Variants in SETD1B observed in about 807,000 individuals in gnomAD.
The protein encoded by SETD1B is histone-lysine N-methyltransferase SETD1B.
In SETD1B, 7 loss-of-function variants were observed where a neutral mutation model predicts 148.0. That is an observed-to-expected ratio of 0.05 (90% CI 0.03 to 0.09). SETD1B has a LOEUF of 0.09. Ranked by LOEUF, SETD1B falls within the 10% of genes least tolerant of loss-of-function variation. The pLI, the probability that SETD1B is intolerant of heterozygous loss-of-function variation, is 1.00. For missense variants in SETD1B, 2,155 were observed against 2,729.9 expected (o/e 0.79, Z 4.69); for synonymous variants, 1,361 against 1,186.5 (o/e 1.15, Z -3.02).
intron 11 of SETD1B, 121 bp downstream of exon 11, chr12:121,820,016 A>C: frequency 2.4e-6 from 2 of 838,932 alleles, no homozygotes; most frequent in Non-Finnish European, 3.7e-6. Context: ...TTCCCGTGTA[A>C]AACGAGATCA....
Position 121,810,287 on chromosome 12 carries a change from C to T in SETD1B, c.1342C>T (p.Pro448Ser), listed in dbSNP as rs1477497078. 8.4e-6 allele frequency: 13 copies of T among 1,543,616 alleles called. No homozygotes were observed. Among genetic ancestry groups the T allele is most frequent in the African/African-American group, 1.4e-5 (1 of 73,120 alleles). The change falls in exon 6 of 17, where the codon CCA (proline) becomes TCA (serine). Residue 448 changes from proline to serine, a missense_variant. Around this residue, in one of 11 missense-constraint regions of SETD1B, gnomAD observed 376 missense variants for 385.0 expected, o/e 0.98. Transcript: ENST00000604567. This position sits in a 1 kb window ranked among gnomAD's most constrained non-coding sequence, Gnocchi z 7.6. ...TGCTGAGCCTCTGGCCAAGGAGAAG[C>T]CAGGCACGCCACCCGGCCCGCCGCC... ...PPAEPLAKEK[P>S]GTPPGPPPPD...
chr12:121,832,633 A>G lies in SETD1B; in HGVS notation c.*2394A>G. ...TAGTAACTTTTATAAAGCAAACCAT[A>G]AATATACTGACTTTTCTTACAGATA... On this transcript the variant is annotated 3_prime_UTR_variant, in exon 17 of 17. Transcript: ENST00000604567. 1 of 265,938 alleles carries G rather than the reference A, an allele frequency of 3.8e-6. No homozygotes were observed. The highest frequency in any genetic ancestry group is 7.3e-6 in the Non-Finnish European group (1 of 137,720). 16.5% of individuals were successfully genotyped at this position (265,938 alleles called of 1,614,324 possible). A position where few individuals can be genotyped will look rare whatever the true frequency, so the allele number is the denominator to read the frequency against.
chr12:121,808,097 TGGGGTCTC>T lies in SETD1B; in HGVS notation c.545-107_545-100del, dbSNP rs149146465. ...CAGGGCCACACAGCCTCCCTAGGAC[TGGGGTCTC>T]GGGCACAAGGGACCCACCAGGGTGC... On this transcript the variant is annotated intron_variant, in intron 4 of 16. Coordinates refer to ENST00000604567, the MANE Select transcript of SETD1B (RefSeq NM_001353345.2). The surrounding 1 kb of genome is among the most constrained non-coding windows in gnomAD (Gnocchi z 5.3). 0.021 allele frequency: 16,417 copies of T among 768,076 alleles called. 233 individuals are homozygous for T. Among genetic ancestry groups the T allele is most frequent in the Non-Finnish European group, 0.031 (14,337 of 461,750 alleles). The allele number at this position is 768,076 out of a possible 1,614,324, so 47.6% of individuals were successfully genotyped here.
intron 4 of SETD1B, 113 bp downstream of exon 4, chr12:121,806,218 C>T: frequency 5.8e-6 from 7 of 1,204,414 alleles, no homozygotes; most frequent in Non-Finnish European, 6.9e-6. Flanking sequence ...GGATCCCCCC[C>T]CACAACCTTA....
At chr12:121,792,976 T>C in the SETD1B span, among the ~76,000 whole-genome samples, 3 of 152,202 alleles carry the variant, frequency 2.0e-5, no homozygotes, top group African/African-American at 7.2e-5. Context: ...CACTTACGTA[T>C]AGGGCTTGGC....
chr12:121,809,272 C>T (rs970860999), intron 5 of SETD1B, among the ~76,000 whole-genome samples: 1 of 152,198 alleles, frequency 6.6e-6, no homozygotes, highest in Non-Finnish European at 1.5e-5. Flanking sequence ...GGTCATAATC[C>T]TGCCTGGAAG....
chr12:121,800,759 C>G (rs1406132671), upstream of SETD1B: 1 of 148,232 alleles, frequency 6.7e-6, no homozygotes, highest in Admixed American at 6.7e-5. Context: ...GGAGGCGCGG[C>G]GCGCGACGCC....
chr12:121,819,632 C>T lies in SETD1B; in HGVS notation c.3647C>T (p.Ala1216Val), dbSNP rs902754405. The T allele has an allele frequency of 8.4e-6, 13 of 1,551,586 alleles. No individual in the cohort carries two copies. Among genetic ancestry groups the T allele is most frequent in the East Asian group, 7.3e-5 (3 of 40,940 alleles). ...GACTTTGAGCAGGACGGGGAGGAAG[C>T]GGCTCTGGCCCCGGGGGCACCTGCA... is the stretch of plus-strand genomic sequence containing the variant. Reference protein sequence around the residue: ...PEDFEQDGEEAALAPGAPAVD... With the variant: ...PEDFEQDGEEVALAPGAPAVD... Residue 1216 changes from alanine (A) to valine (V), a missense_variant, in exon 11 of 17, where the codon GCG becomes GTG. Physicochemically the swap from Ala to Val is moderately conservative, Grantham distance 64. This residue lies in a region of SETD1B where 862 missense variants were observed against 873.8 expected (regional missense o/e 0.99). Coordinates refer to ENST00000604567, the MANE Select transcript of SETD1B (RefSeq NM_001353345.2).
Position 121,805,693 on chromosome 12 carries a change from T to A in SETD1B, c.274-142T>A. On this transcript the variant is annotated intron_variant, in intron 3 of 16. Coordinates refer to ENST00000604567, the MANE Select transcript of SETD1B (RefSeq NM_001353345.2). The surrounding 1 kb of genome is among the most constrained non-coding windows in gnomAD (Gnocchi z 4.2). ...CATTTTTTTTTTCCAAAAAAAATTT[T>A]TTTTTTTTTTTTAATTTTTAGTTTT... 5.1e-6 allele frequency: 4 copies of A among 783,840 alleles called. No homozygotes were observed. Among genetic ancestry groups the A allele is most frequent in the Non-Finnish European group, 7.1e-6 (4 of 559,782 alleles). 48.6% of individuals were successfully genotyped at this position (783,840 alleles called of 1,614,324 possible).
In SETD1B at chr12:121,814,524, G is replaced by T. The variant is rs868278683; in HGVS notation, c.2309G>T (p.Gly770Val). ...MSHVLGGQWG[G>V]MPMSFQMQTQ... ...CACGTGCTGGGTGGCCAGTGGGGCG[G>T]CATGCCCATGTCCTTCCAGATGCAA... Residue 770 changes from glycine (G) to valine (V), a missense_variant, in exon 7 of 17, where the codon GGC (glycine) becomes GTC (valine). By Grantham distance (109) the Gly-to-Val change is moderately radical (BLOSUM62 -3). Transcript: ENST00000604567. 1 of 1,473,052 alleles carries T rather than the reference G, an allele frequency of 6.8e-7. No individual in the cohort carries two copies. The highest frequency in any genetic ancestry group is 9.0e-7 in the Non-Finnish European group (1 of 1,106,026). 91.2% of individuals were successfully genotyped at this position (1,473,052 alleles called of 1,614,324 possible).
rs1876364962 is a variant in SETD1B, at chr12:121,817,720, G to A, written c.3312+16G>A. ...ATCAGATAAGGTGCCTAGCAGGCCAGGAAGCCTCAGGGGGCCGGGCCAGGC... is the reference window on the plus strand; with the variant it reads ...ATCAGATAAGGTGCCTAGCAGGCCAAGAAGCCTCAGGGGGCCGGGCCAGGC... On this transcript the variant is annotated intron_variant, in intron 9 of 16. Transcript: ENST00000604567. The surrounding 1 kb of genome is among the most constrained non-coding windows in gnomAD (Gnocchi z 8.1). The A allele has an allele frequency of 6.5e-7, 1 of 1,539,684 alleles. No homozygotes were observed. The highest frequency in any genetic ancestry group is 1.4e-5 in the African/African-American group (1 of 72,804).
At chr12:121,798,640 C>T in the SETD1B span, among the ~76,000 whole-genome samples, 11 of 152,346 alleles carry the variant, frequency 7.2e-5, no homozygotes, top group African/African-American at 2.6e-4. Context: ...ACCAAGATAC[C>T]TTTAGCAAGA....
At chr12:121,829,249 T>TC (rs1209286757) in intron 16 of SETD1B, among the ~76,000 whole-genome samples, 1 of 152,086 alleles carries the variant, frequency 6.6e-6, no homozygotes, top group Non-Finnish European at 1.5e-5. Context: ...GTGGATTTTT[T>TC]CAGGGGTGAG....
chr12:121,820,986 C>T (rs1876540359), intron 11 of SETD1B, among the ~76,000 whole-genome samples: 1 of 152,280 alleles, frequency 6.6e-6, no homozygotes, highest in South Asian at 2.1e-4. Context: ...GGAGGGCGAT[C>T]GCCTATACGT....
chr12:121,819,991 G>A (rs534111571), intron 11 of SETD1B, 96 bp downstream of exon 11: 80 of 1,013,588 alleles, frequency 7.9e-5, no homozygotes, highest in Middle Eastern at 2.5e-4. Context: ...ATCGCTGACC[G>A]TCCCCAGCCT....
At position 121,825,309 on chromosome 12, in the gene SETD1B, G is replaced by A. The variant is rs1876787849; in HGVS notation, c.5280G>A (p.Lys1760=). The change falls in exon 13 of 17, where the codon AAG becomes AAA. Residue 1760 remains lysine, a synonymous_variant. Transcript: ENST00000604567. ...TCTACACCATCGACAAGAAGGACAA[G>A]CTCAGATACCTCAACAGCAGCCGTG... is the stretch of plus-strand genomic sequence containing the variant. ...EGFYTIDKKD[K]LRYLNSSRAS... The A allele has an allele frequency of 6.4e-7, 1 of 1,551,842 alleles. No homozygotes were observed. Among genetic ancestry groups the A allele is most frequent in the Non-Finnish European group, 8.7e-7 (1 of 1,147,078 alleles).
chr12:121,817,126 G>T lies in SETD1B; in HGVS notation c.2809G>T (p.Gly937Cys). 6.5e-7 allele frequency: 1 copy of T among 1,549,026 alleles called. No homozygotes were observed. Among genetic ancestry groups the T allele is most frequent in the Non-Finnish European group, 8.7e-7 (1 of 1,146,906 alleles). The change falls in exon 8 of 17, where the codon GGC (glycine) becomes TGC (cysteine). Residue 937 changes from glycine (G) to cysteine (C), a missense_variant. Physicochemically the swap from Gly to Cys is radical, Grantham distance 159. Transcript: ENST00000604567. The surrounding 1 kb of genome is among the most constrained non-coding windows in gnomAD (Gnocchi z 8.1). ...RIASCLLESW[G>C]KGEGLGYEGL... ...CGCCTCGTGCCTGCTGGAGTCATGG[G>T]GCAAGGGCGAGGGCCTGGGCTACGA...
At chr12:121,815,625 C>G (rs1023409723) in intron 7 of SETD1B, among the ~76,000 whole-genome samples, 1 of 152,100 alleles carries the variant, frequency 6.6e-6, no homozygotes. Flanking sequence ...ATCCTCTCAC[C>G]TCAGCCTCCA....
intron 16 of SETD1B, among the ~76,000 whole-genome samples, 193 bp from the exon 17 acceptor site, chr12:121,829,873 A>C (rs905942792): frequency 2.6e-5 from 4 of 152,176 alleles, no homozygotes; most frequent in Admixed American, 6.5e-5. Context: ...AATTTTTATC[A>C]TCATTATTTA....
Sources: gnomAD v4.1 joint callset for allele counts (sites outside exome capture counted in the v4.1 genomes callset) on GRCh38, gnomAD v4.1.1 for gene constraint, gnomAD v4.1.1 regional missense constraint, Gnocchi (gnomAD v3.1) non-coding constraint, MANE v1.5 for transcripts, NCBI Gene and HGNC (gene_info 2026-07-23, HGNC 2026-07-21) for gene names.